Variants in CHCHD6 observed in about 807,000 individuals in gnomAD.
The protein encoded by CHCHD6 is coiled-coil-helix-coiled-coil-helix domain containing 6, also known as MICOS complex subunit MIC25.
A neutral mutation model predicts 32.3 loss-of-function variants in CHCHD6; 28 were observed. The observed-to-expected ratio is 0.87, with a 90% CI of 0.64 to 1.19. The LOEUF (loss-of-function observed/expected upper bound fraction) is 1.19, where lower values mean the gene tolerates loss of function less well. CHCHD6 is among the 50% of genes most tolerant of loss of function. CHCHD6 has a pLI of 0.00. For synonymous variants in CHCHD6, 122 were observed against 117.5 expected (o/e 1.04, Z -0.25); for missense variants, 333 against 307.0 (o/e 1.08, Z -0.63).
At chr3:126,839,893 A>G (rs1343921498) in intron 4 of CHCHD6, among the ~76,000 whole-genome samples, 1 of 152,168 alleles carries the variant, frequency 6.6e-6, no homozygotes, top group Non-Finnish European at 1.5e-5. Flanking sequence ...CATTGCCACA[A>G]TTTAAGTTTA....
At chr3:126,908,547 AC>A (rs1436626925) in intron 5 of CHCHD6, among the ~76,000 whole-genome samples, 1 of 152,176 alleles carries the variant, frequency 6.6e-6, no homozygotes, top group Admixed American at 6.5e-5. Context: ...ACTCAACTTT[AC>A]ATTGAGGGCC....
intron 4 of CHCHD6, among the ~76,000 whole-genome samples, chr3:126,765,730 TC>T (rs1937342859): frequency 6.6e-6 from 1 of 152,234 alleles, no homozygotes; most frequent in African/African-American, 2.4e-5. Context: ...GGGAACCACC[TC>T]TGCCCCACCC....
At chr3:126,903,265 A>G (rs1192151485) in intron 5 of CHCHD6, among the ~76,000 whole-genome samples, 1 of 152,140 alleles carries the variant, frequency 6.6e-6, no homozygotes, top group Non-Finnish European at 1.5e-5. Flanking sequence ...CAAATGCACA[A>G]TGTCTGTAGA....
chr3:126,797,970 C>T (rs1028699229), intron 4 of CHCHD6, among the ~76,000 whole-genome samples: 2 of 152,208 alleles, frequency 1.3e-5, no homozygotes, highest in Non-Finnish European at 2.9e-5. Context: ...TGATCTCCCC[C>T]AACTGTGCCG....
At chr3:126,853,790 T>C (rs1409290348) in intron 5 of CHCHD6, among the ~76,000 whole-genome samples, 1 of 152,170 alleles carries the variant, frequency 6.6e-6, no homozygotes, top group East Asian at 1.9e-4. Context: ...CAAGTAAATC[T>C]TTCACAGAGC....
intron 4 of CHCHD6, among the ~76,000 whole-genome samples, chr3:126,744,136 G>A (rs1559818146): frequency 6.6e-6 from 1 of 152,306 alleles, no homozygotes; most frequent in East Asian, 1.9e-4. Context: ...TTTCTCTCCT[G>A]CCAGAGTGAA....
chr3:126,780,860 A>G (rs888288552), intron 4 of CHCHD6, among the ~76,000 whole-genome samples: 9 of 152,204 alleles, frequency 5.9e-5, no homozygotes, highest in African/African-American at 1.9e-4. Flanking sequence ...GAATGCTGAT[A>G]TAGTGTGCTA....
intron 4 of CHCHD6, among the ~76,000 whole-genome samples, chr3:126,809,059 C>T (rs773273027): frequency 6.2e-4 from 95 of 152,116 alleles, no homozygotes; most frequent in Non-Finnish European, 1.1e-3. Flanking sequence ...GCAGCCTCCA[C>T]CTCCCAGGTT....
At position 126,846,160 on chromosome 3, in the gene CHCHD6, A is replaced by G. The variant is rs531879879; in HGVS notation, c.412-6487A>G. ...CCTTCAAAGCCCCATTCCCAGAAAA[A>G]TGTCATTATTTTTCCTGTCTGGTGA... On this transcript the variant is annotated intron_variant, in intron 4 of 7. Coordinates refer to ENST00000290913, the MANE Select transcript of CHCHD6 (RefSeq NM_032343.3). 2.6e-5 allele frequency among the ~76,000 whole-genome samples: 4 copies of G among 152,224 alleles called. No individual in the cohort carries two copies. The South Asian group carries it at 8.3e-4, about 32-fold the overall frequency.
intron 5 of CHCHD6, among the ~76,000 whole-genome samples, chr3:126,865,984 T>G (rs1370557488): frequency 6.6e-6 from 1 of 152,182 alleles, no homozygotes; most frequent in South Asian, 2.1e-4. Context: ...GCCCAAGACC[T>G]GTCAGTTAGG....
chr3:126,932,670 G>C (rs1394527427), intron 6 of CHCHD6, among the ~76,000 whole-genome samples: 1 of 151,806 alleles, frequency 6.6e-6, no homozygotes, highest in Non-Finnish European at 1.5e-5. Flanking sequence ...TGGCTTAAGG[G>C]TTGGCACTGG....
At chr3:126,782,525 G>A (rs1937994430) in intron 4 of CHCHD6, among the ~76,000 whole-genome samples, 1 of 152,184 alleles carries the variant, frequency 6.6e-6, no homozygotes, top group African/African-American at 2.4e-5. Flanking sequence ...CCTAACTCAA[G>A]CAAAATGATG....
At chr3:126,930,751 C>A (rs574895894) in intron 6 of CHCHD6, among the ~76,000 whole-genome samples, 1 of 152,356 alleles carries the variant, frequency 6.6e-6, no homozygotes, top group African/African-American at 2.4e-5. Flanking sequence ...CTCTATCCAT[C>A]CCTACCCCTT....
intron 4 of CHCHD6, among the ~76,000 whole-genome samples, chr3:126,752,681 G>C (rs1030537058): frequency 2.0e-5 from 3 of 152,188 alleles, no homozygotes; most frequent in Non-Finnish European, 4.4e-5. Flanking sequence ...AGGTTGACCA[G>C]GTTTGTACTG....
At chr3:126,863,296 T>A (rs1345711074) in intron 5 of CHCHD6, among the ~76,000 whole-genome samples, 1 of 86,858 alleles carries the variant, frequency 1.2e-5, no homozygotes, top group Non-Finnish European at 2.3e-5. Flanking sequence ...CATCACCACC[T>A]CCTCCTCCTC....
At chr3:126,915,121 C>CTG (rs2078150484) in intron 6 of CHCHD6, among the ~76,000 whole-genome samples, 1 of 152,218 alleles carries the variant, frequency 6.6e-6, no homozygotes, top group African/African-American at 2.4e-5. Context: ...TCCCCTCTGA[C>CTG]TGTGGAGGGG....
intron 5 of CHCHD6, among the ~76,000 whole-genome samples, chr3:126,882,203 A>G (rs908919393): frequency 3.9e-5 from 6 of 152,210 alleles, no homozygotes; most frequent in Non-Finnish European, 7.3e-5. Flanking sequence ...ATCAGCAGGT[A>G]GCAGGAAGCG....
intron 3 of CHCHD6, among the ~76,000 whole-genome samples, chr3:126,731,265 A>G (rs1328921585): frequency 1.1e-4 from 16 of 152,174 alleles, no homozygotes; most frequent in Admixed American, 1.0e-3. Context: ...AACTGGCTCC[A>G]GGATGTTGGT....
At chr3:126,790,755 G>A (rs187989952) in intron 4 of CHCHD6, among the ~76,000 whole-genome samples, 1 of 152,238 alleles carries the variant, frequency 6.6e-6, no homozygotes, top group Non-Finnish European at 1.5e-5. Flanking sequence ...TAACTTCTTT[G>A]TGATGGGTTC....
Sources: gnomAD v4.1 joint callset for allele counts (sites outside exome capture counted in the v4.1 genomes callset) on GRCh38, gnomAD v4.1.1 for gene constraint, MANE v1.5 for transcripts, NCBI Gene and HGNC (gene_info 2026-07-23, HGNC 2026-07-21) for gene names.